DPYD: variants seen among roughly 807,000 people sequenced by gnomAD.
The protein encoded by DPYD is dihydropyrimidine dehydrogenase [NADP(+)].
Under a neutral mutation model 116.2 loss-of-function variants are expected in DPYD, and 109 were observed. The ratio of observed to expected loss-of-function variants is 0.94; its 90% confidence interval spans 0.80 to 1.10. The LOEUF is 1.10. Among genes scored for constraint, DPYD ranks in the 50% least tolerant of loss-of-function variants. The pLI is 0.00. For missense variants in DPYD, 1,302 were observed against 1,254.5 expected (o/e 1.04, Z -0.57); for synonymous variants, 440 against 432.0 (o/e 1.02, Z -0.23).
chr1:97,801,234 G>GA (rs1667830035), intron 3 of DPYD, among the ~76,000 whole-genome samples: 1 of 151,864 alleles, frequency 6.6e-6, no homozygotes, highest in Non-Finnish European at 1.5e-5. Flanking sequence ...ACAATACTCT[G>GA]AAAGTCAGAA....
intron 13 of DPYD, among the ~76,000 whole-genome samples, chr1:97,485,961 A>C (rs998473685): frequency 3.9e-5 from 6 of 152,214 alleles, no homozygotes; most frequent in Middle Eastern, 3.2e-3. Context: ...ATGATATTGC[A>C]ATATTGACAT....
At chr1:97,813,858 T>A (rs1668443038) in intron 3 of DPYD, among the ~76,000 whole-genome samples, 1 of 151,946 alleles carries the variant, frequency 6.6e-6, no homozygotes, top group Non-Finnish European at 1.5e-5. Context: ...CTCTAATATG[T>A]GCATAAAGTG....
chr1:97,618,263 A>C (rs1656411534), intron 8 of DPYD, among the ~76,000 whole-genome samples: 1 of 151,408 alleles, frequency 6.6e-6, no homozygotes, highest in African/African-American at 2.4e-5. Context: ...TTAAGAAAAC[A>C]AAAATAAATT....
intron 11 of DPYD, among the ~76,000 whole-genome samples, chr1:97,570,704 C>T (rs1652832639): frequency 6.6e-6 from 1 of 151,546 alleles, no homozygotes; most frequent in Non-Finnish European, 1.5e-5. Flanking sequence ...TTAGGTAAAT[C>T]TGATAAGGTG....
chr1:97,111,185 C>T (rs1203382715), intron 20 of DPYD, among the ~76,000 whole-genome samples: 2 of 152,088 alleles, frequency 1.3e-5, no homozygotes, highest in Non-Finnish European at 2.9e-5. Flanking sequence ...GCCTCCTAAC[C>T]AATCTACCTG....
At chr1:97,679,215 T>C (rs1401080218) in intron 7 of DPYD, 33 bp from the exon 8 acceptor site, 7 of 1,194,894 alleles carry the variant, frequency 5.9e-6, no homozygotes, top group Non-Finnish European at 7.2e-6. Context: ...TAAGAAAATT[T>C]GGCATATGAT....
chr1:97,685,078 T>C (rs988938284), intron 7 of DPYD, among the ~76,000 whole-genome samples: 3 of 152,176 alleles, frequency 2.0e-5, no homozygotes, highest in African/African-American at 4.8e-5. Context: ...CTGATGAACA[T>C]TGATGCAAAA....
At chr1:97,316,687 G>A (rs1335329311) in intron 16 of DPYD, among the ~76,000 whole-genome samples, 2 of 151,698 alleles carry the variant, frequency 1.3e-5, no homozygotes, top group African/African-American at 4.8e-5. Flanking sequence ...CTTGTTTGAA[G>A]TCTAGTTCTC....
chr1:97,902,133 C>T (rs1161977143), intron 1 of DPYD, among the ~76,000 whole-genome samples: 1 of 151,618 alleles, frequency 6.6e-6, no homozygotes, highest in African/African-American at 2.4e-5. Flanking sequence ...TAGAGACTTG[C>T]AATAAATTGA....
chr1:97,197,093 T>A (rs1658870156), intron 19 of DPYD, among the ~76,000 whole-genome samples: 1 of 152,178 alleles, frequency 6.6e-6, no homozygotes, highest in Non-Finnish European at 1.5e-5. Context: ...GAAAAGAGTA[T>A]AGAATAACTA....
chr1:97,885,536 T>A (rs1672440731), intron 1 of DPYD, among the ~76,000 whole-genome samples: 1 of 152,094 alleles, frequency 6.6e-6, no homozygotes, highest in South Asian at 2.1e-4. Flanking sequence ...TCAGAAAAAG[T>A]CACTTCATTT....
intron 3 of DPYD, chr1:97,774,948 AG>A: frequency 2.9e-6 from 1 of 340,442 alleles, no homozygotes; most frequent in Non-Finnish European, 6.2e-6. Context: ...GCATCCTCAA[AG>A]GTCACCTCAC....
chr1:97,760,335 T>C (rs1001568789), intron 3 of DPYD, among the ~76,000 whole-genome samples: 2 of 152,048 alleles, frequency 1.3e-5, no homozygotes, highest in Non-Finnish European at 2.9e-5. Flanking sequence ...CCCACATATA[T>C]ACAGTTGATC....
At chr1:97,661,080 C>G (rs1002291545) in intron 8 of DPYD, among the ~76,000 whole-genome samples, 3 of 152,096 alleles carry the variant, frequency 2.0e-5, no homozygotes, top group African/African-American at 7.2e-5. Flanking sequence ...GAGAAAACCA[C>G]AGGTTTGGGT....
chr1:97,803,750 C>G (rs1322781379), intron 3 of DPYD, among the ~76,000 whole-genome samples: 1 of 151,814 alleles, frequency 6.6e-6, no homozygotes, highest in Non-Finnish European at 1.5e-5. Flanking sequence ...TTGAAATTCA[C>G]TCCTGTAAAC....
At chr1:97,501,195 A>G (rs1381439988) in intron 13 of DPYD, among the ~76,000 whole-genome samples, 1 of 152,068 alleles carries the variant, frequency 6.6e-6, no homozygotes, top group Admixed American at 6.6e-5. Context: ...AACTGTTTAT[A>G]AACTTGTCTT....
chr1:97,472,495 G>C (rs927470758), intron 13 of DPYD, among the ~76,000 whole-genome samples: 1 of 152,164 alleles, frequency 6.6e-6, no homozygotes, highest in Non-Finnish European at 1.5e-5. Context: ...TTGGATGTGA[G>C]GGACACCTCC....
Position 97,429,748 on chromosome 1 carries a change from A to G in DPYD, c.1905+20311T>C, listed in dbSNP as rs1403386017. ...GCTTCTACTAACGAATTTAGTCATC[A>G]TTAATTATGATACCCTGACTAATCA... On this transcript the variant is annotated intron_variant, in intron 14 of 22. Transcript: ENST00000370192. Among the ~76,000 whole-genome samples the G allele has an allele frequency of 3.3e-5, 5 of 152,284 alleles. No individual in the cohort carries two copies. In the East Asian group the frequency reaches 7.7e-4, roughly 24 times the overall value.
At chr1:97,777,561 C>T (rs1666480825) in intron 3 of DPYD, among the ~76,000 whole-genome samples, 1 of 152,148 alleles carries the variant, frequency 6.6e-6, no homozygotes, top group Non-Finnish European at 1.5e-5. Flanking sequence ...ATTTCAAAGC[C>T]AGCTAACCCT....
Sources: allele counts gnomAD v4.1 joint callset (sites outside exome capture counted in the v4.1 genomes callset), GRCh38; gene constraint gnomAD v4.1.1; transcripts MANE v1.5; gene names NCBI Gene and HGNC (gene_info 2026-07-23, HGNC 2026-07-21).